ANKRD24: variants seen among roughly 807,000 people sequenced by gnomAD.
ANKRD24 encodes the protein ankyrin repeat domain-containing protein 24.
Under a neutral mutation model 127.8 loss-of-function variants are expected in ANKRD24, and 109 were observed. That is an observed-to-expected ratio of 0.85 (90% CI 0.73 to 1.00). The LOEUF (loss-of-function observed/expected upper bound fraction) is 1.00, where lower values mean the gene tolerates loss of function less well. Ranked by LOEUF, ANKRD24 falls within the 50% of genes least tolerant of loss-of-function variation. The probability of loss-of-function intolerance (pLI) is 0.00; values close to 1 mark genes in which losing one functional copy is unlikely to be tolerated. For missense variants in ANKRD24, 1,648 were observed against 1,570.2 expected (o/e 1.05, Z -0.84); for synonymous variants, 743 against 671.1 (o/e 1.11, Z -1.66).
rs774596122 is a variant in ANKRD24, at chr19:4,216,986, T to C, written c.1826T>C (p.Met609Thr). The change falls in exon 18 of 22, where the codon ATG (methionine) becomes ACG (threonine). Residue 609 changes from methionine (M) to threonine (T), a missense_variant. By Grantham distance (81) the Met-to-Thr change is moderately conservative. Transcript: ENST00000318934. ...TKPTGAEVRE[M>T]ETTEEEANME... ...CCCACAGGGGCTGAGGTCAGAGAAA[T>C]GGAGACCACAGAAGAAGAAGCAAAC... 6.2e-7 allele frequency: 1 copy of C among 1,612,590 alleles called. No individual in the cohort carries two copies. Among genetic ancestry groups the C allele is most frequent in the Admixed American group, 1.7e-5 (1 of 59,800 alleles).
In ANKRD24 at chr19:4,217,995, G is replaced by A; in HGVS notation, c.2835G>A (p.Lys945=). 1 of 1,531,932 alleles carries A rather than the reference G, an allele frequency of 6.5e-7. No individual in the cohort carries two copies. Among genetic ancestry groups the A allele is most frequent in the Non-Finnish European group, 8.7e-7 (1 of 1,147,034 alleles). 94.9% of individuals were successfully genotyped at this position (1,531,932 alleles called of 1,614,324 possible). Residue 945 remains lysine (K), a synonymous_variant, in exon 18 of 22, where the codon AAG becomes AAA. Coordinates refer to ENST00000318934, the MANE Select transcript of ANKRD24 (RefSeq NM_001393985.1). ...AGCAGGAGGTGGTGGCCACGGGCAAGGAGGCCGCCCGGCTGCGCGCGGAGC... is the reference window on the plus strand; with the variant it reads ...AGCAGGAGGTGGTGGCCACGGGCAAAGAGGCCGCCCGGCTGCGCGCGGAGC... ...SLEQEVVATG[K]EAARLRAELE...
chr19:4,192,585 AAGAT>A (rs1238621624), intron 2 of ANKRD24, among the ~76,000 whole-genome samples: 2 of 152,014 alleles, frequency 1.3e-5, no homozygotes, highest in Non-Finnish European at 2.9e-5. Context: ...AGCAGTGACT[AAGAT>A]AGACAAAAAT....
chr19:4,190,594 AT>A (rs1263671006), intron 2 of ANKRD24, among the ~76,000 whole-genome samples: 1 of 151,280 alleles, frequency 6.6e-6, no homozygotes, highest in African/African-American at 2.4e-5. Flanking sequence ...GCAGCCGGGC[AT>A]GGTGGTGGGC....
chr19:4,215,656 T>C (rs373508879), intron 15 of ANKRD24, among the ~76,000 whole-genome samples: 2 of 150,002 alleles, frequency 1.3e-5, no homozygotes, highest in Non-Finnish European at 3.0e-5. Context: ...ACACCTGTAG[T>C]CCCAGCTGCT....
In ANKRD24 at chr19:4,195,712, T is replaced by C. The variant is rs1968689628; in HGVS notation, c.37-3971T>C. 1.3e-5 allele frequency among the ~76,000 whole-genome samples: 2 copies of C among 152,018 alleles called. No homozygotes were observed. The highest frequency in any genetic ancestry group is 1.3e-4 in the Admixed American group (2 of 15,258). Reference sequence around the variant, plus strand: ...GAGTTCAAGACCAGCCTGGCCAACATGACAAAACCCCGTCTCTACTAAAAT... The same window carrying C: ...GAGTTCAAGACCAGCCTGGCCAACACGACAAAACCCCGTCTCTACTAAAAT... On this transcript the variant is annotated intron_variant, in intron 2 of 21. Transcript: ENST00000318934. This position sits in a 1 kb window ranked among gnomAD's most constrained non-coding sequence, Gnocchi z 4.2.
chr19:4,216,251 G>C (rs1970059916), intron 16 of ANKRD24, 33 bp from the exon 17 acceptor site: 1 of 1,543,888 alleles, frequency 6.5e-7, no homozygotes, highest in Non-Finnish European at 8.8e-7. Flanking sequence ...TGTGGCCCAG[G>C]TCCCCAGGGC....
chr19:4,186,319 G>A, intron 1 of ANKRD24, 71 bp from the exon 2 acceptor site: 2 of 1,536,244 alleles, frequency 1.3e-6, no homozygotes, highest in Non-Finnish European at 8.8e-7. Context: ...TTTGAGGAGG[G>A]CGAGGCAACG....
At chr19:4,194,387 A>C (rs1005480091) in intron 2 of ANKRD24, among the ~76,000 whole-genome samples, 2 of 152,156 alleles carry the variant, frequency 1.3e-5, no homozygotes, top group Non-Finnish European at 2.9e-5. Context: ...TCCTGACTTC[A>C]GGCGATCAGC....
chr19:4,197,387 G>T (rs527891889), intron 2 of ANKRD24, among the ~76,000 whole-genome samples: 6 of 152,076 alleles, frequency 3.9e-5, no homozygotes, highest in African/African-American at 1.4e-4. Context: ...TGAATGAATG[G>T]TGCGGGAATG....
chr19:4,223,401 A>ATATATATATATATATATATTT (rs1192232980), intron 20 of ANKRD24, among the ~76,000 whole-genome samples: 1 of 53,324 alleles, frequency 1.9e-5, no homozygotes, highest in African/African-American at 9.5e-5. Flanking sequence ...ATATATATAT[A>ATATATATATATATATATATTT]TTTTTTTTTT....
chr19:4,218,183 A>G lies in ANKRD24; in HGVS notation c.3003+20A>G, dbSNP rs928019270. The G allele has an allele frequency of 2.2e-5, 32 of 1,431,004 alleles. No homozygotes were observed. The highest frequency in any genetic ancestry group is 2.7e-5 in the Non-Finnish European group (29 of 1,089,426). The allele number at this position is 1,431,004 out of a possible 1,614,324, so 88.6% of individuals were successfully genotyped here. On this transcript the variant is annotated intron_variant, in intron 18 of 21. Transcript: ENST00000318934. ...TTCCAGGTGAGCAGGGCTGGTCACC[A>G]CCCGGGCCCCACCCCCATTGGCCAC...
At chr19:4,189,016 G>A (rs926753272) in intron 2 of ANKRD24, among the ~76,000 whole-genome samples, 2 of 150,072 alleles carry the variant, frequency 1.3e-5, no homozygotes, top group Non-Finnish European at 3.0e-5. Context: ...CACTATGTTG[G>A]TCAGGCTGGT....
At chr19:4,223,573 A>C (rs1970581788) in intron 20 of ANKRD24, among the ~76,000 whole-genome samples, 1 of 146,342 alleles carries the variant, frequency 6.8e-6, no homozygotes, top group South Asian at 2.2e-4. Context: ...TTGCCTGGGA[A>C]ATTTTTTGTT....
intron 2 of ANKRD24, among the ~76,000 whole-genome samples, chr19:4,196,563 C>A (rs558912553): frequency 2.6e-4 from 39 of 152,182 alleles, no homozygotes; most frequent in African/African-American, 9.2e-4. Flanking sequence ...TTAGTAGAGA[C>A]GAAGTTTCAC....
At chr19:4,219,800 C>T in intron 19 of ANKRD24, 42 bp downstream of exon 19, 2 of 1,545,850 alleles carry the variant, frequency 1.3e-6, no homozygotes, top group Admixed American at 2.0e-5. Context: ...GAGGCATCCA[C>T]TCAGCAAAGG....
chr19:4,196,745 G>A (rs1244452332), intron 2 of ANKRD24, among the ~76,000 whole-genome samples: 3 of 152,164 alleles, frequency 2.0e-5, no homozygotes, highest in Non-Finnish European at 4.4e-5. Context: ...CCAGGCCTGC[G>A]AATGCTGCGT....
chr19:4,216,026 G>A lies in ANKRD24; in HGVS notation c.1246G>A (p.Glu416Lys). 6.2e-7 allele frequency: 1 copy of A among 1,600,678 alleles called. No homozygotes were observed. Among genetic ancestry groups the A allele is most frequent in the Non-Finnish European group, 8.5e-7 (1 of 1,174,262 alleles). Reference protein sequence around the residue: ...SYDVTTLQDEEGELPDLPGAE... With the variant: ...SYDVTTLQDEKGELPDLPGAE... ...TGACGTAACCACCCTGCAGGATGAG[G>A]AGGGTGAGCTGCCTGACCTTCCAGG... is the stretch of plus-strand genomic sequence containing the variant. Residue 416 changes from glutamate (E) to lysine (K), a missense_variant, in exon 16 of 22, where the codon GAG becomes AAG. Coordinates refer to ENST00000318934, the MANE Select transcript of ANKRD24 (RefSeq NM_001393985.1).
At position 4,217,109 on chromosome 19, in the gene ANKRD24, C is replaced by A; in HGVS notation, c.1949C>A (p.Ala650Glu). The A allele has an allele frequency of 6.2e-7, 1 of 1,613,644 alleles. No individual in the cohort carries two copies. The highest frequency in any genetic ancestry group is 1.1e-5 in the South Asian group (1 of 91,054). ...VEATKTKAEE[A>E]EMQAYGVGAG... is the part of the protein sequence containing the mutation. ...GCCACAAAAACAAAAGCAGAGGAAG[C>A]AGAAATGCAGGCCTACGGAGTGGGT... Residue 650 changes from alanine (A) to glutamate (E), a missense_variant, in exon 18 of 22, where the codon GCA (alanine) becomes GAA (glutamate). Transcript: ENST00000318934.
intron 2 of ANKRD24, among the ~76,000 whole-genome samples, chr19:4,190,117 C>T (rs762147752): frequency 2.0e-5 from 3 of 152,148 alleles, no homozygotes; most frequent in Admixed American, 2.0e-4. Flanking sequence ...TGAACAATTA[C>T]AGCCCACCCT....
Sources: gnomAD v4.1 joint callset for allele counts (sites outside exome capture counted in the v4.1 genomes callset) on GRCh38, gnomAD v4.1.1 for gene constraint, Gnocchi (gnomAD v3.1) non-coding constraint, MANE v1.5 for transcripts, NCBI Gene and HGNC (gene_info 2026-07-23, HGNC 2026-07-21) for gene names.